Variants in RASAL2 observed in about 807,000 individuals in gnomAD.
The protein encoded by RASAL2 is ras GTPase-activating protein nGAP.
In RASAL2, 58 loss-of-function variants were observed where a neutral mutation model predicts 128.9. The ratio of observed to expected loss-of-function variants is 0.45; its 90% CI spans 0.36 to 0.56. The LOEUF is 0.56. Ranked by LOEUF, RASAL2 falls within the 20% of genes least tolerant of loss-of-function variation. RASAL2 has a pLI of 0.00. For synonymous variants in RASAL2, 561 were observed against 580.8 expected (o/e 0.97, Z 0.49); for missense variants, 1,360 against 1,601.6 (o/e 0.85, Z 2.57).
chr1:178,471,045 C>A (rs1161497088), intron 17 of RASAL2, among the ~76,000 whole-genome samples: 1 of 152,088 alleles, frequency 6.6e-6, no homozygotes, highest in Non-Finnish European at 1.5e-5. Context: ...GGCTGTTTGT[C>A]TTCAGTTGTT....
chr1:178,384,190 A>G (rs986193151), intron 3 of RASAL2, among the ~76,000 whole-genome samples: 1 of 152,218 alleles, frequency 6.6e-6, no homozygotes, highest in Non-Finnish European at 1.5e-5. Context: ...TGCCATTAAT[A>G]TGAAGTGCTT....
At chr1:178,213,795 T>G (rs1291898921) in intron 1 of RASAL2, among the ~76,000 whole-genome samples, 1 of 151,626 alleles carries the variant, frequency 6.6e-6, no homozygotes, top group African/African-American at 2.4e-5. Flanking sequence ...GAGGGAACCT[T>G]CTGGGATCCT....
intron 1 of RASAL2, among the ~76,000 whole-genome samples, chr1:178,247,974 G>T (rs922589626): frequency 2.6e-5 from 4 of 152,150 alleles, no homozygotes; most frequent in Non-Finnish European, 5.9e-5. Context: ...TTACTGAGGA[G>T]TGTTTTACTT....
chr1:178,119,422 C>A (rs1374333879), intron 1 of RASAL2, among the ~76,000 whole-genome samples: 1 of 152,210 alleles, frequency 6.6e-6, no homozygotes, highest in African/African-American at 2.4e-5. Flanking sequence ...TAATCACATC[C>A]TGCAAAACGT....
intron 4 of RASAL2, 75 bp from the exon 5 acceptor site, chr1:178,420,436 T>C (rs1027139811): frequency 8.7e-6 from 8 of 919,284 alleles, no homozygotes; most frequent in East Asian, 7.7e-5. Context: ...TCTAAATACC[T>C]TTTGCAGAGA....
At chr1:178,392,284 G>A (rs893918105) in intron 4 of RASAL2, among the ~76,000 whole-genome samples, 1 of 152,162 alleles carries the variant, frequency 6.6e-6, no homozygotes, top group Non-Finnish European at 1.5e-5. Context: ...GAGTTTCAAA[G>A]TCTGAAAGAA....
intron 3 of RASAL2, among the ~76,000 whole-genome samples, chr1:178,330,896 T>G (rs1669270525): frequency 6.6e-6 from 1 of 152,270 alleles, no homozygotes; most frequent in Admixed American, 6.5e-5. Context: ...TTATTTTATC[T>G]TACTTAACAA....
At chr1:178,419,515 T>C (rs1675001255) in intron 4 of RASAL2, among the ~76,000 whole-genome samples, 1 of 152,068 alleles carries the variant, frequency 6.6e-6, no homozygotes, top group Non-Finnish European at 1.5e-5. Flanking sequence ...CTTAAATTCC[T>C]GGCCTCAAGC....
At chr1:178,294,788 C>T (rs1319917275) in intron 2 of RASAL2, among the ~76,000 whole-genome samples, 1 of 152,180 alleles carries the variant, frequency 6.6e-6, no homozygotes, top group Admixed American at 6.6e-5. Context: ...GTACAATAGA[C>T]TCACTGAGCT....
chr1:178,423,663 A>G (rs547943688), intron 5 of RASAL2, among the ~76,000 whole-genome samples: 1 of 152,240 alleles, frequency 6.6e-6, no homozygotes, highest in Admixed American at 6.5e-5. Flanking sequence ...GATTGGCTTT[A>G]GAGTCTGTAT....
At chr1:178,151,657 C>CCAAG (rs1372507248) in intron 1 of RASAL2, among the ~76,000 whole-genome samples, 1 of 152,174 alleles carries the variant, frequency 6.6e-6, no homozygotes, top group African/African-American at 2.4e-5. Context: ...CTCCAATGAT[C>CCAAG]CAAGGCTCCT....
intron 3 of RASAL2, among the ~76,000 whole-genome samples, chr1:178,385,638 A>T (rs1672521743): frequency 6.6e-6 from 1 of 152,092 alleles, no homozygotes; most frequent in African/African-American, 2.4e-5. Flanking sequence ...TCTTTAAAAT[A>T]TAGTAGTATT....
intron 3 of RASAL2, among the ~76,000 whole-genome samples, chr1:178,352,524 G>A (rs1460291140): frequency 6.6e-6 from 1 of 152,178 alleles, no homozygotes; most frequent in Non-Finnish European, 1.5e-5. Flanking sequence ...CTGTTATTGA[G>A]TGCTGGCAGT....
intron 3 of RASAL2, among the ~76,000 whole-genome samples, chr1:178,369,096 T>G (rs1266685915): frequency 2.0e-5 from 3 of 152,264 alleles, no homozygotes; most frequent in African/African-American, 7.2e-5. Flanking sequence ...AGGAAAACAG[T>G]GTAATGCCTT....
At chr1:178,315,059 G>A (rs563290828) in intron 3 of RASAL2, among the ~76,000 whole-genome samples, 27 of 148,074 alleles carry the variant, frequency 1.8e-4, no homozygotes, top group African/African-American at 6.3e-4. Context: ...TTGATCTTGC[G>A]ATAGTTTACT....
chr1:178,180,692 C>CACAT (rs373371488), intron 1 of RASAL2, among the ~76,000 whole-genome samples: 4 of 150,756 alleles, frequency 2.7e-5, no homozygotes, highest in African/African-American at 7.3e-5. Flanking sequence ...CACACACACA[C>CACAT]GATTCTGAGA....
intron 5 of RASAL2, among the ~76,000 whole-genome samples, chr1:178,438,878 A>ACTCT (rs1448543016): frequency 2.8e-5 from 2 of 71,362 alleles, no homozygotes; most frequent in African/African-American, 8.9e-5. Flanking sequence ...TTGAGCTTCG[A>ACTCT]CTCTGTGTGT....
At chr1:178,097,828 T>C (rs924358910) in intron 1 of RASAL2, among the ~76,000 whole-genome samples, 1 of 152,206 alleles carries the variant, frequency 6.6e-6, no homozygotes, top group African/African-American at 2.4e-5. Flanking sequence ...TTGACAGGTT[T>C]GGCTCCTTGG....
chr1:178,289,037 A>G (rs1667161704), intron 2 of RASAL2, among the ~76,000 whole-genome samples: 1 of 152,016 alleles, frequency 6.6e-6, no homozygotes, highest in Non-Finnish European at 1.5e-5. Context: ...CCTTTATAAC[A>G]CAAATTCTCA....
Sources: gnomAD v4.1 joint callset for allele counts (sites outside exome capture counted in the v4.1 genomes callset) on GRCh38, gnomAD v4.1.1 for gene constraint, MANE v1.5 for transcripts, NCBI Gene and HGNC (gene_info 2026-07-23, HGNC 2026-07-21) for gene names.